Variants in SLC2A14 observed in about 807,000 individuals in gnomAD.
SLC2A14 encodes the protein solute carrier family 2 member 14.
Under a neutral mutation model 43.0 loss-of-function variants are expected in SLC2A14, and 13 were observed. That is an observed-to-expected ratio of 0.30 (90% CI 0.20 to 0.48). The LOEUF is 0.48. Ranked by LOEUF, SLC2A14 falls within the 20% of genes least tolerant of loss-of-function variation. The probability of loss-of-function intolerance (pLI) is 0.99; values close to 1 mark genes in which losing one functional copy is unlikely to be tolerated. For synonymous variants in SLC2A14, 190 were observed against 233.8 expected, an observed-to-expected ratio of 0.81 and a Z score of 1.71; for missense variants, 428 against 620.4, an observed-to-expected ratio of 0.69 and a Z score of 3.29.
At chr12:7,878,489 C>T (rs538499471) in intron 1 of SLC2A14, among the ~76,000 whole-genome samples, 18 of 150,730 alleles carry the variant, frequency 1.2e-4, no homozygotes, top group East Asian at 1.0e-3. Flanking sequence ...GAACTCCTAA[C>T]GTCAAGAGAT....
intron 2 of SLC2A14, among the ~76,000 whole-genome samples, chr12:7,838,429 GA>G (rs1299135568): frequency 2.6e-5 from 4 of 152,218 alleles, no homozygotes; most frequent in Admixed American, 6.5e-5. Flanking sequence ...CTAGAATTTT[GA>G]ACTTGGAAGA....
At chr12:7,826,869 CTTTCTTTCTTTCTTTCTTTCT>C (rs1864439963) in intron 7 of SLC2A14, among the ~76,000 whole-genome samples, 1 of 33,944 alleles carries the variant, frequency 2.9e-5, no homozygotes, top group Non-Finnish European at 5.8e-5. Context: ...TTTTTTCTTT[CTTTCTTTCTTTCTTTCTTTCT>C]TTCTTTCTTT....
chr12:7,875,062 A>ATTT (rs1361475191), upstream of SLC2A14, among the ~76,000 whole-genome samples: 1 of 116,612 alleles, frequency 8.6e-6, no homozygotes, highest in African/African-American at 3.4e-5. Context: ...TATAAATTAT[A>ATTT]TATTAAATAT....
At chr12:7,870,034 C>A (rs1945140207) in intron 1 of SLC2A14, 97 bp from the exon 2 acceptor site, 2 of 575,174 alleles carry the variant, frequency 3.5e-6, no homozygotes, top group Non-Finnish European at 5.8e-6. Context: ...ATGGACACTC[C>A]AATAAATACT....
rs924677383 is a variant in SLC2A14 at position 7,867,211 on chromosome 12, G to A, written c.18+2652C>T. 2.7e-5 allele frequency among the ~76,000 whole-genome samples: 4 copies of A among 150,436 alleles called. No individual in the cohort carries two copies. The East Asian group carries it at 5.9e-4, about 22-fold the overall frequency. On this transcript the variant is annotated intron_variant, in intron 2 of 10. Transcript: ENST00000431042. ...GGAGAATGGCTTGAACCCAGGAGGC[G>A]GAGCTTGCAGTGAGCGGAGATCTCG...
intron 2 of SLC2A14, among the ~76,000 whole-genome samples, chr12:7,848,413 CTTTG>C (rs761176266): frequency 2.0e-5 from 3 of 150,918 alleles, no homozygotes; most frequent in Non-Finnish European, 4.4e-5. Context: ...CTTTCTTGTT[CTTTG>C]TTTTTCTTTT....
Position 7,832,756 on chromosome 12 carries a change from C to G in SLC2A14, c.77G>C (p.Gly26Ala). The G allele has an allele frequency of 6.2e-7, 1 of 1,614,128 alleles. No homozygotes were observed. The highest frequency in any genetic ancestry group is 8.5e-7 in the Non-Finnish European group (1 of 1,180,026). ...AGCATTGATGACCCCAGTGTTGTAG[C>G]CAAACTGGAAAGAGCCGATTGTAGC... ...TVATIGSFQF[G>A]YNTGVINAPE... Residue 26 changes from glycine to alanine, a missense_variant, in exon 3 of 11, where the codon GGC becomes GCC. Gly to Ala is a moderately conservative substitution (Grantham distance 60). Transcript: ENST00000431042.
intron 2 of SLC2A14, among the ~76,000 whole-genome samples, chr12:7,835,974 A>G (rs959592108): frequency 6.6e-6 from 1 of 152,164 alleles, no homozygotes; most frequent in Non-Finnish European, 1.5e-5. Context: ...TAAATCATCC[A>G]TCCATCACTC....
intron 2 of SLC2A14, among the ~76,000 whole-genome samples, chr12:7,838,961 T>C (rs904561379): frequency 2.0e-5 from 3 of 151,206 alleles, no homozygotes; most frequent in Non-Finnish European, 4.4e-5. Context: ...GAAAAGGCCA[T>C]GTGAAGACAC....
chr12:7,890,530 G>T (rs1035129691), intron 1 of SLC2A14, among the ~76,000 whole-genome samples: 1 of 151,682 alleles, frequency 6.6e-6, no homozygotes, highest in African/African-American at 2.4e-5. Flanking sequence ...GGTTTATTTT[G>T]ATCAACTCTA....
chr12:7,834,579 A>G (rs1865290511), intron 2 of SLC2A14, among the ~76,000 whole-genome samples: 1 of 112,708 alleles, frequency 8.9e-6, no homozygotes, highest in East Asian at 2.6e-4. Flanking sequence ...AAAAAAAAAA[A>G]TTAGCTGGGT....
intron 2 of SLC2A14, among the ~76,000 whole-genome samples, chr12:7,841,555 C>T (rs940739470): frequency 3.9e-5 from 6 of 151,998 alleles, no homozygotes; most frequent in Admixed American, 3.3e-4. Context: ...GCCAGCTCGC[C>T]GAGCCACATC....
At chr12:7,837,638 CAAA>C (rs557069415) in intron 2 of SLC2A14, among the ~76,000 whole-genome samples, 652 of 52,920 alleles carry the variant, frequency 0.012, 25 homozygotes, top group African/African-American at 0.054. Context: ...AACTTCGTCT[CAAA>C]AAAAAAAAAA....
At chr12:7,827,770 C>T (rs908376058) in intron 6 of SLC2A14, 88 bp from the exon 7 acceptor site, 14 of 1,510,754 alleles carry the variant, frequency 9.3e-6, no homozygotes, top group East Asian at 9.2e-5. Flanking sequence ...AAGGGCCGCA[C>T]GAGGTGAGGT....
At chr12:7,889,440 G>C (rs1945740885) in intron 1 of SLC2A14, among the ~76,000 whole-genome samples, 1 of 151,130 alleles carries the variant, frequency 6.6e-6, no homozygotes, top group Non-Finnish European at 1.5e-5. Context: ...CTCCATGTTG[G>C]TCAGGCTGTT....
Position 7,838,607 on chromosome 12 carries a change from C to T in SLC2A14, c.19-5793G>A, listed in dbSNP as rs190915296. On this transcript the variant is annotated intron_variant, in intron 2 of 10. Transcript: ENST00000431042. ...CCTCAGGATTAATCATACCTCTTTTCTCACCCATACCAAATTTAGATGATA... is the reference window on the plus strand; with the variant it reads ...CCTCAGGATTAATCATACCTCTTTTTTCACCCATACCAAATTTAGATGATA... 2.3e-3 allele frequency among the ~76,000 whole-genome samples: 354 copies of T among 152,292 alleles called. 3 individuals carry two copies. The highest frequency in any genetic ancestry group is 8.1e-3 in the African/African-American group (336 of 41,558).
At chr12:7,854,606 CT>C (rs1867204192) in intron 2 of SLC2A14, among the ~76,000 whole-genome samples, 1 of 152,072 alleles carries the variant, frequency 6.6e-6, no homozygotes, top group African/African-American at 2.4e-5. Flanking sequence ...CAACCTCCGC[CT>C]CCCGGGTTCA....
chr12:7,873,642 AAAACAAACAAACAAACAAACAAAC>A (rs144363840), upstream of SLC2A14, among the ~76,000 whole-genome samples: 4 of 151,056 alleles, frequency 2.6e-5, no homozygotes, highest in African/African-American at 9.7e-5. Context: ...TCCGTCTCAA[AAAACAAACAAACAAACAAACAAAC>A]AAACAAACAA....
chr12:7,858,713 G>A (rs1273629666), intron 2 of SLC2A14, among the ~76,000 whole-genome samples: 2 of 152,042 alleles, frequency 1.3e-5, no homozygotes, highest in South Asian at 2.1e-4. Flanking sequence ...TGGTCAGGCT[G>A]ATCTCAAACT....
Sources: allele counts gnomAD v4.1 joint callset (sites outside exome capture counted in the v4.1 genomes callset), GRCh38; gene constraint gnomAD v4.1.1; transcripts MANE v1.5; gene names NCBI Gene and HGNC (gene_info 2026-07-23, HGNC 2026-07-21).